Variants in KIDINS220 observed in about 807,000 individuals in gnomAD.
The protein encoded by KIDINS220 is kinase D-interacting substrate of 220 kDa.
In KIDINS220, 63 loss-of-function variants were observed where a neutral mutation model predicts 157.6. The observed-to-expected ratio is 0.40, with a 90% CI of 0.33 to 0.49. KIDINS220 has a LOEUF of 0.49. KIDINS220 is among the 20% of genes least tolerant of loss of function. The pLI, the probability that KIDINS220 is intolerant of heterozygous loss-of-function variation, is 0.66. For synonymous variants in KIDINS220, 732 were observed against 783.6 expected (o/e 0.93, Z 1.10); for missense variants, 1,772 against 2,171.2 (o/e 0.82, Z 3.65).
chr2:8,823,926 A>T (rs920647545), intron 2 of KIDINS220, among the ~76,000 whole-genome samples: 1 of 152,126 alleles, frequency 6.6e-6, no homozygotes, highest in African/African-American at 2.4e-5. Context: ...CAATATAGAA[A>T]CATTGAAAAT....
In KIDINS220 at chr2:8,792,913, T is replaced by A. The variant is rs569271127; in HGVS notation, c.1276+897A>T. Among the ~76,000 whole-genome samples the A allele has an allele frequency of 2.0e-5, 3 of 152,360 alleles. No homozygotes were observed. The East Asian group carries it at 5.8e-4, about 29-fold the overall frequency. On this transcript the variant is annotated intron_variant, in intron 12 of 29. Transcript: ENST00000256707. Reference sequence around the variant, plus strand: ...AGTTGTTAGCAAAACAAACTAAATATTCACCAATAGCGAACTCAATGTACG... The same window carrying A: ...AGTTGTTAGCAAAACAAACTAAATAATCACCAATAGCGAACTCAATGTACG...
At position 8,731,286 on chromosome 2, in the gene KIDINS220, A is replaced by G; in HGVS notation, c.4750T>C (p.Ser1584Pro). 6.2e-7 allele frequency: 1 copy of G among 1,614,112 alleles called. No homozygotes were observed. The highest frequency in any genetic ancestry group is 8.5e-7 in the Non-Finnish European group (1 of 1,180,040). Reference protein sequence around the residue: ...SDALLDKKDSSDSGVRSSESS... With the variant: ...SDALLDKKDSPDSGVRSSESS... ...TCACTGGATCTCACTCCTGAATCCG[A>G]TGAATCCTTTTTGTCAAGGAGCGCA... The change falls in exon 30 of 30, where the codon TCG becomes CCG. Residue 1584 changes from serine (S) to proline (P), a missense_variant. Coordinates refer to ENST00000256707, the MANE Select transcript of KIDINS220 (RefSeq NM_020738.4). The surrounding 1 kb of genome is among the most constrained non-coding windows in gnomAD (Gnocchi z 5.2).
At chr2:8,749,641 G>C (rs1415151795) in intron 24 of KIDINS220, among the ~76,000 whole-genome samples, 3 of 152,082 alleles carry the variant, frequency 2.0e-5, no homozygotes, top group Non-Finnish European at 1.5e-5. Flanking sequence ...AAAAACATCT[G>C]AGTTCCACAG....
chr2:8,797,186 T>C (rs1476314973), intron 10 of KIDINS220, among the ~76,000 whole-genome samples: 1 of 152,140 alleles, frequency 6.6e-6, no homozygotes, highest in Middle Eastern at 3.2e-3. Flanking sequence ...CAGAGGCTAC[T>C]TCCCGTTCTC....
chr2:8,781,153 A>ATATATATATATAATATATATATATAT (rs70946383), intron 17 of KIDINS220, among the ~76,000 whole-genome samples: 1 of 130,410 alleles, frequency 7.7e-6, no homozygotes, highest in Admixed American at 7.8e-5. Flanking sequence ...ATATATATAT[A>ATATATATATATAATATATATATATAT]ATATATATAT....
Position 8,776,913 on chromosome 2 carries a change from T to C in KIDINS220, c.2704-21A>G, listed in dbSNP as rs150134305. ...GTGTCCTGAAACAGCACGTCGTCAG[T>C]GAGAAGGAACCCACGCGTCCAGTCT... On this transcript the variant is annotated intron_variant, in intron 20 of 29. Transcript: ENST00000256707. 7 of 1,611,708 alleles carry C rather than the reference T, an allele frequency of 4.3e-6. No homozygotes were observed. The African/African-American group carries it at 6.7e-5, about 15-fold the overall frequency.
chr2:8,791,048 C>A lies in KIDINS220; in HGVS notation c.1441+12G>T, dbSNP rs1673115055. On this transcript the variant is annotated intron_variant, in intron 13 of 29. Coordinates refer to ENST00000256707, the MANE Select transcript of KIDINS220 (RefSeq NM_020738.4). Reference sequence around the variant, plus strand: ...TTTATATATACAGACTTTGTACAAGCAAGCCCTTTACCTTCTAGTTTCTTG... The same window carrying A: ...TTTATATATACAGACTTTGTACAAGAAAGCCCTTTACCTTCTAGTTTCTTG... The A allele has an allele frequency of 6.2e-7, 1 of 1,607,822 alleles. No homozygotes were observed. Among genetic ancestry groups the A allele is most frequent in the Non-Finnish European group, 8.5e-7 (1 of 1,177,370 alleles).
intron 11 of KIDINS220, among the ~76,000 whole-genome samples, chr2:8,796,440 C>G (rs1042566539): frequency 2.0e-5 from 3 of 152,212 alleles, no homozygotes; most frequent in African/African-American, 7.2e-5. Flanking sequence ...TCGGCCTCCT[C>G]CAGCCCCTGT....
chr2:8,753,623 T>A (rs1425730852), intron 22 of KIDINS220, among the ~76,000 whole-genome samples: 1 of 152,232 alleles, frequency 6.6e-6, no homozygotes, highest in Non-Finnish European at 1.5e-5. Flanking sequence ...GAATATTAAC[T>A]GTTAGATTAT....
At chr2:8,825,727 A>C (rs1317666589) in intron 2 of KIDINS220, 1 of 152,222 alleles carries the variant, frequency 6.6e-6, no homozygotes, top group African/African-American at 2.4e-5. Flanking sequence ...AAACAAACAC[A>C]TACCCTGATA....
chr2:8,739,227 C>A (rs1049669680), intron 26 of KIDINS220, among the ~76,000 whole-genome samples: 1 of 152,162 alleles, frequency 6.6e-6, no homozygotes. Flanking sequence ...CATATTTTAT[C>A]CTTCATTGGG....
In KIDINS220 at chr2:8,826,875, C is replaced by T. The variant is rs1180192307; in HGVS notation, c.108+111G>A. 5.5e-6 allele frequency: 3 copies of T among 548,184 alleles called. No individual in the cohort carries two copies. The South Asian group carries it at 8.5e-5, about 16-fold the overall frequency. 34.0% of individuals were successfully genotyped at this position (548,184 alleles called of 1,614,324 possible). The stretch of plus-strand genomic sequence containing the variant: ...AAGACATTCTATCATAAGTACAGTG[C>T]AGTATTACTAAGGGTTAGAACTACC... On this transcript the variant is annotated intron_variant, in intron 2 of 29. Coordinates refer to ENST00000256707, the MANE Select transcript of KIDINS220 (RefSeq NM_020738.4).
chr2:8,766,557 C>G (rs895549009), intron 22 of KIDINS220, among the ~76,000 whole-genome samples: 2 of 152,184 alleles, frequency 1.3e-5, no homozygotes, highest in Non-Finnish European at 2.9e-5. Flanking sequence ...GGGCAGGGAT[C>G]TTTGCTGGTT....
chr2:8,827,768 A>G (rs939855934), intron 1 of KIDINS220, among the ~76,000 whole-genome samples: 11 of 152,230 alleles, frequency 7.2e-5, no homozygotes, highest in African/African-American at 2.7e-4. Context: ...CAATGGATAC[A>G]TGTATCAAAA....
At chr2:8,738,817 TAGTTA>T (rs1229986722) in intron 26 of KIDINS220, among the ~76,000 whole-genome samples, 1 of 152,232 alleles carries the variant, frequency 6.6e-6, no homozygotes, top group Admixed American at 6.5e-5. Context: ...GTCTGTAGTT[TAGTTA>T]ATAGTATTAT....
At chr2:8,754,665 T>C (rs1041022442) in intron 22 of KIDINS220, among the ~76,000 whole-genome samples, 3 of 152,270 alleles carry the variant, frequency 2.0e-5, no homozygotes, top group Admixed American at 6.5e-5. Context: ...TAAATGACAG[T>C]GGTTTATACA....
intron 7 of KIDINS220, among the ~76,000 whole-genome samples, chr2:8,804,511 TG>T (rs1310050088): frequency 4.6e-5 from 7 of 152,238 alleles, no homozygotes; most frequent in Admixed American, 2.0e-4. Flanking sequence ...ATCAGTAAGA[TG>T]TATCTAACCA....
intron 16 of KIDINS220, 74 bp downstream of exon 16, chr2:8,786,132 T>C: frequency 6.3e-7 from 1 of 1,589,172 alleles, no homozygotes; most frequent in Non-Finnish European, 8.6e-7. Flanking sequence ...CAAGGTGTGT[T>C]TTCATGAAAA....
chr2:8,766,286 G>A (rs1392895918), intron 22 of KIDINS220, among the ~76,000 whole-genome samples: 1 of 152,138 alleles, frequency 6.6e-6, no homozygotes, highest in Non-Finnish European at 1.5e-5. Context: ...GCCCGGAACT[G>A]TTCCCTCTGC....
Sources: allele counts gnomAD v4.1 joint callset (sites outside exome capture counted in the v4.1 genomes callset), GRCh38; gene constraint gnomAD v4.1.1; non-coding constraint Gnocchi (gnomAD v3.1); transcripts MANE v1.5; gene names NCBI Gene and HGNC (gene_info 2026-07-23, HGNC 2026-07-21).